Variants in CTNNA3 observed in about 807,000 individuals in gnomAD.
CTNNA3 encodes catenin alpha-3.
CTNNA3 carries 76 observed loss-of-function variants against 95.7 expected under a neutral mutation model. The ratio of observed to expected loss-of-function variants is 0.79; its 90% CI spans 0.66 to 0.96. The LOEUF is 0.96. Ranked by LOEUF, CTNNA3 falls within the 40% of genes least tolerant of loss-of-function variation. The pLI is 0.00. For missense variants in CTNNA3, 1,191 were observed against 1,089.8 expected (o/e 1.09, Z -1.31); for synonymous variants, 431 against 374.4 (o/e 1.15, Z -1.74).
intron 9 of CTNNA3, among the ~76,000 whole-genome samples, chr10:66,689,116 CA>C (rs1847417719): frequency 2.6e-5 from 4 of 151,872 alleles, no homozygotes; most frequent in Non-Finnish European, 5.9e-5. Flanking sequence ...ATCAATGAAT[CA>C]ATGAATCAAT....
chr10:67,673,388 C>T (rs1181713456), intron 1 of CTNNA3, among the ~76,000 whole-genome samples: 2 of 150,094 alleles, frequency 1.3e-5, no homozygotes, highest in Admixed American at 1.3e-4. Context: ...CCAGAACTTC[C>T]AACACTATGT....
At chr10:67,250,431 G>T (rs1258582919) in intron 5 of CTNNA3, among the ~76,000 whole-genome samples, 1 of 152,058 alleles carries the variant, frequency 6.6e-6, no homozygotes, top group Non-Finnish European at 1.5e-5. Context: ...TAGCCAGGAT[G>T]GTCTCAATCT....
At chr10:67,357,540 G>GA (rs1842852222) in intron 5 of CTNNA3, among the ~76,000 whole-genome samples, 1 of 151,902 alleles carries the variant, frequency 6.6e-6, no homozygotes, top group African/African-American at 2.4e-5. Context: ...AAACACAAAA[G>GA]AAGACTTCAG....
intron 5 of CTNNA3, among the ~76,000 whole-genome samples, chr10:67,273,028 G>A (rs1454280635): frequency 6.6e-6 from 1 of 152,102 alleles, no homozygotes; most frequent in Non-Finnish European, 1.5e-5. Flanking sequence ...GTAGCATAAT[G>A]TAGTAGTTAC....
intron 5 of CTNNA3, among the ~76,000 whole-genome samples, chr10:67,235,818 G>GA (rs1256762966): frequency 7.1e-6 from 1 of 141,550 alleles, no homozygotes; most frequent in African/African-American, 2.8e-5. Context: ...ACATTTACAA[G>GA]AAAAAAACAA....
intron 5 of CTNNA3, among the ~76,000 whole-genome samples, chr10:67,521,601 T>C (rs1264225942): frequency 1.3e-5 from 2 of 152,096 alleles, no homozygotes; most frequent in Non-Finnish European, 2.9e-5. Flanking sequence ...CCAGCAGGAA[T>C]TTTCTTTAAG....
At position 65,987,605 on chromosome 10, in the gene CTNNA3, A is replaced by T. The variant is rs544473895; in HGVS notation, c.2265+1087T>A. ...TAAATTAGTACAGCCATTATGGAAA[A>T]TAGGAGTTTTCTTTAAAAACTACTA... is the stretch of plus-strand genomic sequence containing the variant. On this transcript the variant is annotated intron_variant, in intron 16 of 17. Coordinates refer to ENST00000433211, the MANE Select transcript of CTNNA3 (RefSeq NM_013266.4). Among the ~76,000 whole-genome samples the T allele has an allele frequency of 6.6e-5, 10 of 152,204 alleles. No homozygotes were observed. In the South Asian group the frequency reaches 8.3e-4, roughly 13 times the overall value.
chr10:67,386,649 G>C (rs1327055094), intron 5 of CTNNA3, among the ~76,000 whole-genome samples: 1 of 152,134 alleles, frequency 6.6e-6, no homozygotes, highest in African/African-American at 2.4e-5. Context: ...GAAAAAGATA[G>C]AAAAAGTCTT....
chr10:67,194,606 A>C (rs1237487114), intron 6 of CTNNA3, among the ~76,000 whole-genome samples: 1 of 152,024 alleles, frequency 6.6e-6, no homozygotes, highest in Admixed American at 6.6e-5. Context: ...TTTTTAAAGC[A>C]GTAAAAATAC....
At chr10:67,469,832 A>T (rs1368069458) in intron 5 of CTNNA3, among the ~76,000 whole-genome samples, 1 of 152,172 alleles carries the variant, frequency 6.6e-6, no homozygotes, top group East Asian at 1.9e-4. Flanking sequence ...GTAGGTGTAT[A>T]TATTTATGGG....
intron 17 of CTNNA3, among the ~76,000 whole-genome samples, chr10:65,934,397 G>A (rs147149867): frequency 6.6e-6 from 1 of 152,094 alleles, no homozygotes; most frequent in Non-Finnish European, 1.5e-5. Flanking sequence ...GGATATTCAT[G>A]CTGTGGGCAC....
At chr10:65,938,167 T>G (rs1345870898) in intron 17 of CTNNA3, among the ~76,000 whole-genome samples, 1 of 152,160 alleles carries the variant, frequency 6.6e-6, no homozygotes, top group Non-Finnish European at 1.5e-5. Context: ...GTTTAGAAAA[T>G]GAATTGCCCT....
At chr10:66,864,862 T>A (rs1844101846) in intron 7 of CTNNA3, among the ~76,000 whole-genome samples, 1 of 152,108 alleles carries the variant, frequency 6.6e-6, no homozygotes, top group South Asian at 2.1e-4. Flanking sequence ...ATTCTTTTTA[T>A]GCCCATGAAA....
intron 11 of CTNNA3, among the ~76,000 whole-genome samples, chr10:66,511,348 T>C (rs1840651689): frequency 6.6e-6 from 1 of 151,854 alleles, no homozygotes; most frequent in Non-Finnish European, 1.5e-5. Context: ...TTTTGTTTGC[T>C]TTTTTGCCTC....
At chr10:67,753,507 C>A (rs1841417985) in intron 1 of CTNNA3, among the ~76,000 whole-genome samples, 1 of 152,110 alleles carries the variant, frequency 6.6e-6, no homozygotes, top group Non-Finnish European at 1.5e-5. Flanking sequence ...GCAAAAGAAA[C>A]TATCATCACA....
chr10:66,477,750 T>C (rs917174693), intron 11 of CTNNA3, among the ~76,000 whole-genome samples: 1 of 152,078 alleles, frequency 6.6e-6, no homozygotes. Flanking sequence ...AGGCCCTTCA[T>C]ATCACAAATA....
At chr10:66,003,923 A>G (rs2078826811) in intron 15 of CTNNA3, among the ~76,000 whole-genome samples, 1 of 152,224 alleles carries the variant, frequency 6.6e-6, no homozygotes. Context: ...ACATGCCCAT[A>G]ATTGCGCACA....
At chr10:67,470,171 G>A (rs900941046) in intron 5 of CTNNA3, among the ~76,000 whole-genome samples, 1 of 152,058 alleles carries the variant, frequency 6.6e-6, no homozygotes, top group African/African-American at 2.4e-5. Flanking sequence ...TTGATTTTTA[G>A]ATCTCACAAA....
chr10:67,023,257 G>T (rs1230000467), intron 7 of CTNNA3, among the ~76,000 whole-genome samples: 1 of 152,134 alleles, frequency 6.6e-6, no homozygotes, highest in African/African-American at 2.4e-5. Context: ...ACAGTGAATA[G>T]GCCACAGAAG....
Sources: gnomAD v4.1 joint callset for allele counts (sites outside exome capture counted in the v4.1 genomes callset) on GRCh38, gnomAD v4.1.1 for gene constraint, MANE v1.5 for transcripts, NCBI Gene and HGNC (gene_info 2026-07-23, HGNC 2026-07-21) for gene names.